Variants in TNFSF4 observed in about 807,000 individuals in gnomAD.
TNFSF4 encodes the protein TNF superfamily member 4.
In TNFSF4, 4 loss-of-function variants were observed where a neutral mutation model predicts 7.3. The ratio of observed to expected loss-of-function variants is 0.55; its 90% CI spans 0.27 to 1.25. TNFSF4 has a LOEUF of 1.25. Ranked by LOEUF, TNFSF4 falls within the 50% of genes most tolerant of loss-of-function variation. TNFSF4 has a pLI of 0.12. For synonymous variants in TNFSF4, 76 were observed against 83.7 expected, an observed-to-expected ratio of 0.91 and a Z score of 0.50; for missense variants, 181 against 208.8, an observed-to-expected ratio of 0.87 and a Z score of 0.82.
the TNFSF4 span, among the ~76,000 whole-genome samples, chr1:173,358,268 C>T: frequency 6.6e-6 from 1 of 152,180 alleles, no homozygotes; most frequent in Non-Finnish European, 1.5e-5. Flanking sequence ...GCTGAGGACT[C>T]CCACAGGCTC....
the TNFSF4 span, among the ~76,000 whole-genome samples, chr1:173,426,740 G>A: frequency 6.6e-6 from 1 of 152,154 alleles, no homozygotes; most frequent in East Asian, 1.9e-4. Flanking sequence ...CTACAGGTAC[G>A]CACCACCACA....
chr1:173,398,414 T>C, the TNFSF4 span, among the ~76,000 whole-genome samples: 11 of 146,180 alleles, frequency 7.5e-5, no homozygotes, highest in Non-Finnish European at 1.4e-4. Flanking sequence ...CTTTTCTTTT[T>C]TTTTTTTTTT....
chr1:173,201,942 G>A (rs1403154663), intron 1 of TNFSF4, among the ~76,000 whole-genome samples: 1 of 152,050 alleles, frequency 6.6e-6, no homozygotes, highest in Non-Finnish European at 1.5e-5. Context: ...AACACTGTAT[G>A]TAGCTCCTCT....
chr1:173,405,207 G>A, the TNFSF4 span, among the ~76,000 whole-genome samples: 1 of 152,158 alleles, frequency 6.6e-6, no homozygotes, highest in Non-Finnish European at 1.5e-5. Context: ...GACTTTGTGG[G>A]CCATATGGTT....
chr1:173,262,699 T>A, the TNFSF4 span, among the ~76,000 whole-genome samples: 1 of 147,186 alleles, frequency 6.8e-6, no homozygotes, highest in Non-Finnish European at 1.5e-5. Flanking sequence ...GCCTCCCAGG[T>A]TCATGCCATT....
the TNFSF4 span, among the ~76,000 whole-genome samples, chr1:173,394,532 T>C: frequency 6.6e-6 from 1 of 152,202 alleles, no homozygotes. Flanking sequence ...GAGATTAGCG[T>C]TTGAATCTGT....
chr1:173,182,476 C>T (rs1649072564), downstream of TNFSF4, among the ~76,000 whole-genome samples: 1 of 152,068 alleles, frequency 6.6e-6, no homozygotes, highest in South Asian at 2.1e-4. Context: ...GAATCTAAGC[C>T]CCACCACTTA....
the TNFSF4 span, among the ~76,000 whole-genome samples, chr1:173,392,412 C>G: frequency 5.9e-5 from 9 of 152,098 alleles, no homozygotes; most frequent in African/African-American, 1.9e-4. Context: ...ATCCCTACCC[C>G]CAAACAACTC....
the TNFSF4 span, among the ~76,000 whole-genome samples, chr1:173,250,649 C>T: frequency 1.3e-3 from 199 of 152,066 alleles, 1 homozygote; most frequent in African/African-American, 4.7e-3. Context: ...TTAGTAGAGA[C>T]GGGGTTTCAC....
At chr1:173,308,285 C>CTGTGTG in the TNFSF4 span, among the ~76,000 whole-genome samples, 297 of 135,112 alleles carry the variant, frequency 2.2e-3, 1 homozygote, top group Non-Finnish European at 3.8e-3. Context: ...CTCTCTCTCT[C>CTGTGTG]TGTGTGTGTG....
the TNFSF4 span, among the ~76,000 whole-genome samples, chr1:173,284,405 G>C: frequency 6.6e-6 from 1 of 152,224 alleles, no homozygotes. Context: ...AAAGCAGCAA[G>C]TGCTGATGTA....
the TNFSF4 span, among the ~76,000 whole-genome samples, chr1:173,345,350 G>C: frequency 6.6e-6 from 1 of 152,304 alleles, no homozygotes; most frequent in Non-Finnish European, 1.5e-5. Flanking sequence ...CTTTGGCATT[G>C]CCAATGCCAA....
At chr1:173,442,377 C>T in the TNFSF4 span, among the ~76,000 whole-genome samples, 1 of 152,006 alleles carries the variant, frequency 6.6e-6, no homozygotes, top group Non-Finnish European at 1.5e-5. Flanking sequence ...CTCCCCAGAA[C>T]CCCTTCAAAA....
chr1:173,250,849 A>T, the TNFSF4 span, among the ~76,000 whole-genome samples: 1 of 152,178 alleles, frequency 6.6e-6, no homozygotes, highest in Non-Finnish European at 1.5e-5. Context: ...TTAAGATCAA[A>T]TGTCTATTGA....
At chr1:173,228,149 C>T in the TNFSF4 span, among the ~76,000 whole-genome samples, 1 of 152,222 alleles carries the variant, frequency 6.6e-6, no homozygotes, top group Non-Finnish European at 1.5e-5. Context: ...GTCCCTGACC[C>T]ATGAGTAGCC....
the TNFSF4 span, among the ~76,000 whole-genome samples, chr1:173,308,456 T>C: frequency 6.6e-6 from 1 of 151,802 alleles, no homozygotes; most frequent in Admixed American, 6.6e-5. Flanking sequence ...TGTTTGTGTA[T>C]GGTGGGAGAT....
chr1:173,226,485 G>A, the TNFSF4 span, among the ~76,000 whole-genome samples: 1 of 152,280 alleles, frequency 6.6e-6, no homozygotes, highest in South Asian at 2.1e-4. Flanking sequence ...AGAGATATAG[G>A]GAATGTGGAC....
the TNFSF4 span, among the ~76,000 whole-genome samples, chr1:173,419,912 GGGGA>G: frequency 3.0e-4 from 46 of 152,180 alleles, no homozygotes; most frequent in African/African-American, 1.0e-3. Context: ...TGGCGGGGGG[GGGGA>G]TGAGAGGCTG....
At chr1:173,179,735 AC>A (rs1218465687), downstream of TNFSF4, among the ~76,000 whole-genome samples, 2 of 152,224 alleles carry the variant, frequency 1.3e-5, no homozygotes, top group African/African-American at 2.4e-5. Flanking sequence ...AAAATGAATT[AC>A]CATTAACACT....
Sources: gnomAD v4.1 joint callset for allele counts (sites outside exome capture counted in the v4.1 genomes callset) on GRCh38, gnomAD v4.1.1 for gene constraint, MANE v1.5 for transcripts, NCBI Gene and HGNC (gene_info 2026-07-23, HGNC 2026-07-21) for gene names.